EDA: variants seen among roughly 807,000 people sequenced by gnomAD.
EDA encodes the protein ectodysplasin A.
In EDA, 2 loss-of-function variants were observed where a neutral mutation model predicts 23.6. That is an observed-to-expected ratio of 0.08 (90% CI 0.03 to 0.27). EDA has a LOEUF of 0.27. EDA is among the 10% of genes least tolerant of loss of function. The pLI is 1.00. For missense variants in EDA, 229 were observed against 324.2 expected (o/e 0.71, Z 2.26); for synonymous variants, 131 against 132.0 (o/e 0.99, Z 0.05).
intron 1 of EDA, among the ~76,000 whole-genome samples, chrX:69,802,348 A>G (rs1602423570): frequency 9.2e-6 from 1 of 109,058 alleles, no homozygotes; most frequent in East Asian, 2.8e-4. Context: ...ATAATATATA[A>G]TTCTATGTAG....
At position 69,744,835 on chromosome X, in the gene EDA, C is replaced by T. The variant is rs1015006325; in HGVS notation, c.396+128131C>T. ...TTGTATCATCCTCATTTTCAGAAGA[C>T]GAAGTTGAAACTTAATAACTTGCCT... On this transcript the variant is annotated intron_variant, in intron 1 of 7. Coordinates refer to ENST00000374552, the MANE Select transcript of EDA (RefSeq NM_001399.5). 1.1e-4 allele frequency among the ~76,000 whole-genome samples: 12 copies of T among 111,504 alleles called. No homozygotes were observed. In the East Asian group the frequency reaches 2.0e-3, roughly 18 times the overall value.
At chrX:69,863,695 G>A (rs2017437730) in intron 1 of EDA, among the ~76,000 whole-genome samples, 1 of 106,379 alleles carries the variant, frequency 9.4e-6, no homozygotes, top group African/African-American at 3.4e-5. Flanking sequence ...ATCTACAGGT[G>A]TATGTATGTG....
At chrX:69,783,619 A>G (rs1371785209) in intron 1 of EDA, among the ~76,000 whole-genome samples, 1 of 111,393 alleles carries the variant, frequency 9.0e-6, no homozygotes, top group Admixed American at 9.5e-5. Flanking sequence ...ACATGAACTC[A>G]TCATTTTTTA....
chrX:69,947,004 G>A (rs893589262), intron 1 of EDA, among the ~76,000 whole-genome samples: 1 of 112,503 alleles, frequency 8.9e-6, no homozygotes, highest in Non-Finnish European at 1.9e-5. Flanking sequence ...TTGAGCTAAT[G>A]TTTTCTGAAT....
At chrX:69,919,506 C>T (rs1023850189) in intron 1 of EDA, among the ~76,000 whole-genome samples, 16 of 111,873 alleles carry the variant, frequency 1.4e-4, no homozygotes, top group Admixed American at 3.8e-4. Flanking sequence ...CCCTCTTCAA[C>T]AGTCTTGCTT....
rs751358129 is a variant in EDA at position 69,742,639 on chromosome X, C to A, written c.396+125935C>A. On this transcript the variant is annotated intron_variant, in intron 1 of 7. Transcript: ENST00000374552. Reference sequence around the variant, plus strand: ...TCATGCCACTATCCTGGAAGTCATTCCCCATATTGTTTTTCTGACGGTTCT... The same window carrying A: ...TCATGCCACTATCCTGGAAGTCATTACCCATATTGTTTTTCTGACGGTTCT... 4.5e-5 allele frequency among the ~76,000 whole-genome samples: 5 copies of A among 111,705 alleles called. No individual in the cohort carries two copies. The South Asian group carries it at 1.1e-3, about 26-fold the overall frequency.
At chrX:69,972,901 T>A (rs1301326011) in intron 2 of EDA, among the ~76,000 whole-genome samples, 1 of 111,144 alleles carries the variant, frequency 9.0e-6, no homozygotes, top group Non-Finnish European at 1.9e-5. Context: ...GAATTCCTCA[T>A]CCCCTTTTCC....
chrX:69,761,387 T>C (rs2014303583), intron 1 of EDA, among the ~76,000 whole-genome samples: 1 of 111,631 alleles, frequency 9.0e-6, no homozygotes, highest in South Asian at 3.7e-4. Flanking sequence ...TTTAGCACAT[T>C]ATAGTTTATG....
At chrX:69,940,292 G>A (rs1023174444) in intron 1 of EDA, among the ~76,000 whole-genome samples, 33 of 111,116 alleles carry the variant, frequency 3.0e-4, no homozygotes, top group African/African-American at 1.1e-3. Flanking sequence ...TCAGGTGATG[G>A]ATTTCATCAT....
chrX:69,957,186 T>C (rs1052311931), intron 2 of EDA, 54 bp downstream of exon 2: 1 of 1,099,380 alleles, frequency 9.1e-7, no homozygotes, highest in African/African-American at 1.8e-5. Flanking sequence ...TTAGTAAAAG[T>C]ATCCTTTTAA....
intron 2 of EDA, among the ~76,000 whole-genome samples, chrX:69,977,199 G>A (rs1054169412): frequency 1.8e-5 from 2 of 111,819 alleles, no homozygotes; most frequent in African/African-American, 6.5e-5. Flanking sequence ...CTTTTGCAGG[G>A]AAATGGCAGA....
chrX:69,930,933 A>G (rs2018590240), intron 1 of EDA, among the ~76,000 whole-genome samples: 1 of 111,673 alleles, frequency 9.0e-6, no homozygotes, highest in South Asian at 3.7e-4. Context: ...CATCAAAAAT[A>G]TGAAATATTA....
chrX:69,861,194 G>A (rs980321271), intron 1 of EDA: 2 of 255,835 alleles, frequency 7.8e-6, no homozygotes, highest in Non-Finnish European at 1.4e-5. Context: ...GTTTAAACAT[G>A]TGGGTAAATA....
chrX:69,992,963 G>T (rs2019609291), intron 2 of EDA, among the ~76,000 whole-genome samples: 1 of 110,824 alleles, frequency 9.0e-6, no homozygotes, highest in Non-Finnish European at 1.9e-5. Context: ...TTTAGTCTGT[G>T]TCTGTGACTT....
chrX:69,752,478 C>A, intron 1 of EDA, among the ~76,000 whole-genome samples: 1 of 111,777 alleles, frequency 8.9e-6, no homozygotes, highest in Middle Eastern at 4.6e-3. Context: ...ATTCAGTTTG[C>A]CAGTATTTTA....
intron 1 of EDA, among the ~76,000 whole-genome samples, chrX:69,679,218 G>T (rs1276958300): frequency 9.3e-6 from 1 of 107,158 alleles, no homozygotes; most frequent in Non-Finnish European, 1.9e-5. Context: ...GCTGGATTCG[G>T]TTTGCCAGTA....
Position 69,705,391 on chromosome X carries a change from G to A in EDA, c.396+88687G>A, listed in dbSNP as rs181553946. On this transcript the variant is annotated intron_variant, in intron 1 of 7. Coordinates refer to ENST00000374552, the MANE Select transcript of EDA (RefSeq NM_001399.5). ...CAAGAGAGAAGGCCAGAAGTCCATC[G>A]CAACCAGACAAACCTTGTCACAACA... Among the ~76,000 whole-genome samples the A allele has an allele frequency of 5.0e-3, 553 of 111,451 alleles. 1 individual carries two copies. The highest frequency in any genetic ancestry group is 6.7e-3 in the Non-Finnish European group (355 of 53,066).
intron 1 of EDA, among the ~76,000 whole-genome samples, chrX:69,947,115 G>A (rs945830840): frequency 8.9e-6 from 1 of 112,106 alleles, no homozygotes; most frequent in Non-Finnish European, 1.9e-5. Context: ...ATGTGCCAAA[G>A]CACCTTTCAC....
At chrX:69,707,210 G>A (rs1478375270) in intron 1 of EDA, among the ~76,000 whole-genome samples, 1 of 111,972 alleles carries the variant, frequency 8.9e-6, no homozygotes, top group Non-Finnish European at 1.9e-5. Context: ...AAAACAGAGA[G>A]AACTAATTCT....
Sources: allele counts gnomAD v4.1 joint callset (sites outside exome capture counted in the v4.1 genomes callset), GRCh38; gene constraint gnomAD v4.1.1; transcripts MANE v1.5; gene names NCBI Gene and HGNC (gene_info 2026-07-23, HGNC 2026-07-21).